CACNA2D2: variants seen among roughly 807,000 people sequenced by gnomAD.
CACNA2D2 encodes voltage-dependent calcium channel subunit alpha-2/delta-2.
A neutral mutation model predicts 166.4 loss-of-function variants in CACNA2D2; 48 were observed. The ratio of observed to expected loss-of-function variants is 0.29; its 90% CI spans 0.23 to 0.37. CACNA2D2 has a LOEUF of 0.37. Among genes scored for constraint, CACNA2D2 ranks in the 10% least tolerant of loss-of-function variants. The pLI, the probability that CACNA2D2 is intolerant of heterozygous loss-of-function variation, is 1.00. For missense variants in CACNA2D2, 1,122 were observed against 1,433.0 expected, an observed-to-expected ratio of 0.78 and a Z score of 3.50; for synonymous variants, 561 against 573.7, an observed-to-expected ratio of 0.98 and a Z score of 0.32.
At chr3:50,442,213 C>T (rs1028192686) in intron 2 of CACNA2D2, among the ~76,000 whole-genome samples, 5 of 152,202 alleles carry the variant, frequency 3.3e-5, no homozygotes, top group African/African-American at 4.8e-5. Flanking sequence ...AAGTGACAAT[C>T]CCAAATGGCC....
chr3:50,500,135 G>A (rs1698896082), intron 1 of CACNA2D2, among the ~76,000 whole-genome samples: 1 of 152,220 alleles, frequency 6.6e-6, no homozygotes, highest in Non-Finnish European at 1.5e-5. Flanking sequence ...TAGCTACACT[G>A]ACGCATGCCC....
At chr3:50,369,121 G>A (rs1316376529) in intron 23 of CACNA2D2, among the ~76,000 whole-genome samples, 1 of 152,206 alleles carries the variant, frequency 6.6e-6, no homozygotes, top group African/African-American at 2.4e-5. Context: ...GGGCCTTTGT[G>A]CAGTGTACAG....
chr3:50,438,514 C>G (rs189434144), intron 2 of CACNA2D2, among the ~76,000 whole-genome samples: 2 of 152,162 alleles, frequency 1.3e-5, no homozygotes, highest in Non-Finnish European at 2.9e-5. Context: ...AAGTGGGAGG[C>G]GAGCCTGGAG....
At chr3:50,408,984 G>A (rs1210553247) in intron 3 of CACNA2D2, among the ~76,000 whole-genome samples, 1 of 152,216 alleles carries the variant, frequency 6.6e-6, no homozygotes, top group Non-Finnish European at 1.5e-5. Flanking sequence ...CCATCTCCCA[G>A]GAAAGGGACC....
chr3:50,379,346 G>T lies in CACNA2D2; in HGVS notation c.1152+86C>A. On this transcript the variant is annotated intron_variant, in intron 11 of 37. Transcript: ENST00000424201. The surrounding 1 kb of genome is among the most constrained non-coding windows in gnomAD (Gnocchi z 6.5). ...TCCAAGCTGCCTGTTTGGTGCTAACGAGGCCATCCGTCTTGATTTCCTGGG... is the reference window on the plus strand; with the variant it reads ...TCCAAGCTGCCTGTTTGGTGCTAACTAGGCCATCCGTCTTGATTTCCTGGG... The T allele has an allele frequency of 6.5e-7, 1 of 1,531,394 alleles. No homozygotes were observed. The highest frequency in any genetic ancestry group is 8.9e-7 in the Non-Finnish European group (1 of 1,118,100). 94.9% of individuals were successfully genotyped at this position (1,531,394 alleles called of 1,614,324 possible). A position where few individuals can be genotyped will look rare whatever the true frequency, so the allele number is the denominator to read the frequency against.
In CACNA2D2 at chr3:50,476,185, GC is replaced by G; in HGVS notation, c.220del (p.Ala74ProfsTer11). 2 of 1,592,006 alleles carry G rather than the reference GC, an allele frequency of 1.3e-6. No individual in the cohort carries two copies. ...GTCGACCTCCTGCTCCAGACGCCGG[GC>G]CCAGTGCTGCATCCTGTATGCAGAG... ...FPQQHTMQHW[A>X]RRLEQEVDGV... On this transcript the variant is annotated frameshift_variant, in exon 2 of 38. Coordinates refer to ENST00000424201, the MANE Select transcript of CACNA2D2 (RefSeq NM_006030.4). LOFTEE classifies it high-confidence loss of function.
chr3:50,433,080 T>A (rs1708147220), intron 3 of CACNA2D2, among the ~76,000 whole-genome samples: 1 of 152,230 alleles, frequency 6.6e-6, no homozygotes, highest in Admixed American at 6.5e-5. Flanking sequence ...TATTCAGAGT[T>A]GTGCAACCAT....
intron 2 of CACNA2D2, among the ~76,000 whole-genome samples, chr3:50,444,585 G>A (rs1353861873): frequency 6.6e-6 from 1 of 152,222 alleles, no homozygotes; most frequent in Non-Finnish European, 1.5e-5. Flanking sequence ...ATTCTGTCCT[G>A]CAGGGACCAA....
At chr3:50,430,344 C>T (rs962076349) in intron 3 of CACNA2D2, among the ~76,000 whole-genome samples, 1 of 152,234 alleles carries the variant, frequency 6.6e-6, no homozygotes, top group Non-Finnish European at 1.5e-5. Flanking sequence ...TCCCCCATGG[C>T]CTCTCCTCTG....
At chr3:50,423,367 C>CCT (rs1707662176) in intron 3 of CACNA2D2, among the ~76,000 whole-genome samples, 1 of 152,246 alleles carries the variant, frequency 6.6e-6, no homozygotes, top group South Asian at 2.1e-4. Flanking sequence ...GAATAGAAGG[C>CCT]TGGGAAGCCC....
At chr3:50,420,349 G>A (rs1282230928) in intron 3 of CACNA2D2, among the ~76,000 whole-genome samples, 1 of 152,208 alleles carries the variant, frequency 6.6e-6, no homozygotes, top group African/African-American at 2.4e-5. Context: ...GTGCAGATGG[G>A]GCCTCAGCAG....
intron 2 of CACNA2D2, among the ~76,000 whole-genome samples, chr3:50,458,456 T>C (rs1272713955): frequency 6.6e-6 from 1 of 152,226 alleles, no homozygotes; most frequent in African/African-American, 2.4e-5. Flanking sequence ...TGGGCTCATG[T>C]GGAGGGTCAG....
intron 1 of CACNA2D2, among the ~76,000 whole-genome samples, chr3:50,479,585 C>T (rs1379971656): frequency 2.6e-5 from 4 of 152,224 alleles, no homozygotes; most frequent in African/African-American, 9.6e-5. Flanking sequence ...CAGGAGTTGA[C>T]TATGCACCTG....
intron 1 of CACNA2D2, among the ~76,000 whole-genome samples, chr3:50,500,542 G>A (rs1698919204): frequency 1.3e-5 from 2 of 152,302 alleles, no homozygotes; most frequent in South Asian, 2.1e-4. Flanking sequence ...GCAAAGCAGT[G>A]AGGGCTGCCC....
chr3:50,391,532 C>T (rs1430962065), intron 4 of CACNA2D2, among the ~76,000 whole-genome samples: 2 of 152,238 alleles, frequency 1.3e-5, no homozygotes, highest in Non-Finnish European at 2.9e-5. Context: ...TCAGGGCCAT[C>T]GTTTCCCTGG....
chr3:50,423,889 G>A (rs1015595062), intron 3 of CACNA2D2, among the ~76,000 whole-genome samples: 3 of 152,234 alleles, frequency 2.0e-5, no homozygotes, highest in Non-Finnish European at 4.4e-5. Context: ...GGGAAGGCTG[G>A]CAGGAGGCCC....
chr3:50,415,574 C>G (rs1213483314), intron 3 of CACNA2D2, among the ~76,000 whole-genome samples: 1 of 152,240 alleles, frequency 6.6e-6, no homozygotes, highest in African/African-American at 2.4e-5. Context: ...ACCATGGGCT[C>G]CTGAGGTGTC....
chr3:50,457,933 G>A lies in CACNA2D2; in HGVS notation c.288+18185C>T, dbSNP rs116162163. On this transcript the variant is annotated intron_variant, in intron 2 of 37. Coordinates refer to ENST00000424201, the MANE Select transcript of CACNA2D2 (RefSeq NM_006030.4). ...AAGGGTATGGCCTTGGGGAGGCTCA[G>A]AGACCTGCCCTGACTCACTCAGAAC... Among the ~76,000 whole-genome samples the A allele has an allele frequency of 9.7e-3, 1,473 of 152,304 alleles. 14 individuals are homozygous for A. The highest frequency in any genetic ancestry group is 0.014 in the Non-Finnish European group (981 of 68,020).
At chr3:50,485,986 T>A (rs538187187) in intron 1 of CACNA2D2, among the ~76,000 whole-genome samples, 45 of 151,976 alleles carry the variant, frequency 3.0e-4, no homozygotes, top group Non-Finnish European at 6.0e-4. Flanking sequence ...TGACACAGAC[T>A]ATGGGCATTT....
Sources: allele counts gnomAD v4.1 joint callset (sites outside exome capture counted in the v4.1 genomes callset), GRCh38; gene constraint gnomAD v4.1.1; non-coding constraint Gnocchi (gnomAD v3.1); transcripts MANE v1.5; gene names NCBI Gene and HGNC (gene_info 2026-07-23, HGNC 2026-07-21).